Variants in DNAH12 observed in about 807,000 individuals in gnomAD.
The protein encoded by DNAH12 is axonemal beta dynein heavy chain 12.
DNAH12 carries 285 observed loss-of-function variants against 371.5 expected under a neutral mutation model. The observed-to-expected ratio is 0.77, with a 90% CI of 0.70 to 0.85. The LOEUF is 0.85. Ranked by LOEUF, DNAH12 falls within the 40% of genes least tolerant of loss-of-function variation. The pLI, the probability that DNAH12 is intolerant of heterozygous loss-of-function variation, is 0.00. For synonymous variants in DNAH12, 1,200 were observed against 1,213.0 expected (o/e 0.99, Z 0.22); for missense variants, 3,611 against 3,689.4 (o/e 0.98, Z 0.55).
intron 43 of DNAH12, among the ~76,000 whole-genome samples, chr3:57,396,189 A>T (rs1328067772): frequency 1.3e-5 from 2 of 148,960 alleles, no homozygotes; most frequent in East Asian, 4.2e-4. Context: ...GAGGCAGGAG[A>T]ATCGCTTGAA....
rs1553681927 is a variant in DNAH12 at position 57,408,336 on chromosome 3, C to A, written c.6220G>T (p.Glu2074Ter). 1 of 1,551,324 alleles carries A rather than the reference C, an allele frequency of 6.4e-7. No individual in the cohort carries two copies. The highest frequency in any genetic ancestry group is 1.2e-5 in the South Asian group (1 of 83,958). Residue 2074 changes from glutamate (E) to a stop codon, truncating the protein, a stop_gained, in exon 40 of 74, where the codon GAA (glutamate) becomes TAA (stop). Coordinates refer to ENST00000495027, the MANE Select transcript of DNAH12 (RefSeq NM_001366028.2). LOFTEE classifies it high-confidence loss of function. ...ATTACAAAGTACTCTGGAGGAAATT[C>A]ATGAGTTCTAAGGTAGAATGCTACA... Reference protein sequence around the residue: ...SIVAFYLRTHEFPPEYFVIGN... With the variant: ...SIVAFYLRTH
At chr3:57,523,099 T>C (rs189831705) in intron 4 of DNAH12, among the ~76,000 whole-genome samples, 157 of 152,260 alleles carry the variant, frequency 1.0e-3, no homozygotes, top group African/African-American at 3.7e-3. Context: ...AAAACCCATA[T>C]TGGCCGGGCA....
At chr3:57,396,942 T>C (rs1201616822) in intron 43 of DNAH12, among the ~76,000 whole-genome samples, 1 of 152,188 alleles carries the variant, frequency 6.6e-6, no homozygotes, top group Non-Finnish European at 1.5e-5. Flanking sequence ...GTAGAATCAC[T>C]TGAACTCGGC....
At chr3:57,415,754 C>T (rs984540824) in intron 37 of DNAH12, among the ~76,000 whole-genome samples, 190 bp from the exon 38 acceptor site, 1 of 151,268 alleles carries the variant, frequency 6.6e-6, no homozygotes, top group African/African-American at 2.4e-5. Flanking sequence ...CACAACATTG[C>T]AGAGACTTTA....
intron 58 of DNAH12, among the ~76,000 whole-genome samples, chr3:57,359,456 G>A (rs1006990527): frequency 1.3e-5 from 2 of 151,422 alleles, no homozygotes; most frequent in Non-Finnish European, 2.9e-5. Context: ...CTACTCCAGA[G>A]GCTGAGGCAG....
intron 37 of DNAH12, among the ~76,000 whole-genome samples, chr3:57,417,277 C>A (rs982919464): frequency 6.6e-6 from 1 of 151,894 alleles, no homozygotes; most frequent in Admixed American, 6.6e-5. Flanking sequence ...AAGACAAATA[C>A]AAAGGCCAGC....
In DNAH12 at chr3:57,471,536, A is replaced by G. The variant is rs1210961492; in HGVS notation, c.1847T>C (p.Ile616Thr). 3.9e-6 allele frequency: 6 copies of G among 1,549,030 alleles called. No homozygotes were observed. Among genetic ancestry groups the G allele is most frequent in the African/African-American group, 1.4e-5 (1 of 72,830 alleles). ...CTCCATGCGGCGTGATTCTTTTTCT[A>G]TTTCCAAAATAAGTTTCTCTCTCTT... ...MAKREKLILE[I>T]EKESRRMEEF... Residue 616 changes from isoleucine (I) to threonine (T), a missense_variant, in exon 15 of 74, where the codon ATA becomes ACA. Ile to Thr is a moderately conservative substitution (Grantham distance 89). Around this residue, in one of 3 missense-constraint regions of DNAH12, gnomAD observed 1,314 missense variants for 1,398.7 expected, o/e 0.94. Transcript: ENST00000495027.
intron 60 of DNAH12, among the ~76,000 whole-genome samples, chr3:57,338,474 C>T (rs1421984288): frequency 6.7e-6 from 1 of 148,290 alleles, no homozygotes; most frequent in East Asian, 2.0e-4. Flanking sequence ...CTTTGCCCGG[C>T]CGCCCCGTCT....
At chr3:57,370,089 G>A (rs896362522) in intron 55 of DNAH12, among the ~76,000 whole-genome samples, 15,379 of 152,170 alleles carry the variant, frequency 0.1, 1,093 homozygotes, top group Middle Eastern at 0.15. Context: ...GAAGAAAGCA[G>A]CATTATCCAT....
At chr3:57,529,667 C>T (rs1364649261) in intron 2 of DNAH12, among the ~76,000 whole-genome samples, 1 of 151,866 alleles carries the variant, frequency 6.6e-6, no homozygotes, top group Non-Finnish European at 1.5e-5. Flanking sequence ...TTTTGTTTAA[C>T]TTTTCAAAAA....
At chr3:57,399,303 A>T (rs1445109612) in intron 43 of DNAH12, among the ~76,000 whole-genome samples, 2 of 152,128 alleles carry the variant, frequency 1.3e-5, no homozygotes, top group Non-Finnish European at 2.9e-5. Context: ...AAATATCAAA[A>T]TGGCAATAAT....
At chr3:57,371,117 A>C (rs1357962618) in intron 55 of DNAH12, among the ~76,000 whole-genome samples, 2 of 152,196 alleles carry the variant, frequency 1.3e-5, no homozygotes, top group African/African-American at 4.8e-5. Context: ...ATGGAAAATT[A>C]ACATGTTTGT....
intron 50 of DNAH12, among the ~76,000 whole-genome samples, chr3:57,381,596 C>T (rs1171669751): frequency 6.6e-6 from 1 of 151,892 alleles, no homozygotes; most frequent in Non-Finnish European, 1.5e-5. Flanking sequence ...ACTATGAGTA[C>T]CATCTTTTTT....
At chr3:57,435,096 G>A (rs911624518) in intron 30 of DNAH12, among the ~76,000 whole-genome samples, 1 of 152,186 alleles carries the variant, frequency 6.6e-6, no homozygotes, top group African/African-American at 2.4e-5. Context: ...ATTAATATGG[G>A]CCGGGTGGCT....
rs73076451 is a variant in DNAH12 at position 57,446,584 on chromosome 3, C to T, written c.3892G>A (p.Val1298Met). Residue 1298 changes from valine to methionine, a missense_variant, in exon 26 of 74, where the codon GTG becomes ATG. Around this residue, in one of 3 missense-constraint regions of DNAH12, gnomAD observed 2,266 missense variants for 2,236.9 expected, o/e 1.01. Transcript: ENST00000495027. The part of the protein sequence containing the change: ...DLAKALAVQC[V>M]VFNCSDGLDY... The stretch of plus-strand genomic sequence containing the variant: ...AGCCCATCAGAACAGTTGAACACCA[C>T]ACACTGTACAGCAAGAGCTTTAGCC... 0.013 allele frequency: 19,592 copies of T among 1,550,366 alleles called. 217 individuals carry two copies. Among genetic ancestry groups the T allele is most frequent in the South Asian group, 0.047 (3,895 of 83,672 alleles).
chr3:57,395,396 A>G (rs1347608850), intron 43 of DNAH12, among the ~76,000 whole-genome samples: 4 of 152,194 alleles, frequency 2.6e-5, no homozygotes, highest in Non-Finnish European at 5.9e-5. Flanking sequence ...ATTTTTAAAA[A>G]TAACCTTCTA....
chr3:57,457,341 TTC>T (rs2065929761), intron 22 of DNAH12, among the ~76,000 whole-genome samples: 1 of 151,276 alleles, frequency 6.6e-6, no homozygotes, highest in South Asian at 2.1e-4. Context: ...AAATCCCCAG[TTC>T]TCTCTGATTC....
chr3:57,342,727 G>A (rs951742739), intron 60 of DNAH12, among the ~76,000 whole-genome samples: 33 of 145,750 alleles, frequency 2.3e-4, no homozygotes, highest in Middle Eastern at 3.7e-3. Flanking sequence ...TTAATATCCA[G>A]AATATACAAG....
intron 59 of DNAH12, among the ~76,000 whole-genome samples, chr3:57,356,277 A>G (rs886172861): frequency 6.2e-4 from 95 of 152,024 alleles, no homozygotes; most frequent in Non-Finnish European, 1.0e-3. Flanking sequence ...CCCCATCTCT[A>G]CAAAAAAATT....
Sources: allele counts gnomAD v4.1 joint callset (sites outside exome capture counted in the v4.1 genomes callset), GRCh38; gene constraint gnomAD v4.1.1; regional missense constraint gnomAD v4.1.1; transcripts MANE v1.5; gene names NCBI Gene and HGNC (gene_info 2026-07-23, HGNC 2026-07-21).